SGCZ: variants seen among roughly 807,000 people sequenced by gnomAD.
SGCZ encodes zeta-sarcoglycan.
In SGCZ, 40 loss-of-function variants were observed where a neutral mutation model predicts 41.3. That is an observed-to-expected ratio of 0.97 (90% CI 0.75 to 1.26). The LOEUF is 1.26. SGCZ is among the 50% of genes most tolerant of loss of function. The pLI, the probability that SGCZ is intolerant of heterozygous loss-of-function variation, is 0.00. For missense variants in SGCZ, 552 were observed against 369.8 expected, an observed-to-expected ratio of 1.49 and a Z score of -4.04; for synonymous variants, 206 against 137.5, an observed-to-expected ratio of 1.50 and a Z score of -3.49.
chr8:15,025,297 T>A (rs186295345), intron 1 of SGCZ, among the ~76,000 whole-genome samples: 22 of 152,292 alleles, frequency 1.4e-4, no homozygotes, highest in African/African-American at 5.3e-4. Context: ...GTGCTGTATT[T>A]TTTTTCTAAT....
At chr8:14,192,554 T>G (rs1249704324) in intron 4 of SGCZ, among the ~76,000 whole-genome samples, 2 of 151,886 alleles carry the variant, frequency 1.3e-5, no homozygotes. Flanking sequence ...GATATTTGAG[T>G]TTTTATTCAA....
At position 14,925,756 on chromosome 8, in the gene SGCZ, A is replaced by G. The variant is rs958007733; in HGVS notation, c.39+311829T>C. Among the ~76,000 whole-genome samples the G allele has an allele frequency of 7.2e-5, 11 of 152,182 alleles. No homozygotes were observed. In the East Asian group the frequency reaches 1.9e-3, roughly 27 times the overall value. ...TCTGGCTTCACTTTTTCATTGCTGT[A>G]CCAGATGGACAGGAAAAGGACAGAC... On this transcript the variant is annotated intron_variant, in intron 1 of 7. Transcript: ENST00000382080.
At chr8:14,562,072 T>C (rs1804222559) in intron 1 of SGCZ, among the ~76,000 whole-genome samples, 1 of 152,158 alleles carries the variant, frequency 6.6e-6, no homozygotes, top group South Asian at 2.1e-4. Flanking sequence ...TGACTTCTAC[T>C]GATCTGGATG....
At chr8:15,125,181 T>C (rs901726699) in intron 1 of SGCZ, among the ~76,000 whole-genome samples, 15 of 152,294 alleles carry the variant, frequency 9.8e-5, no homozygotes, top group Non-Finnish European at 1.3e-4. Flanking sequence ...ACAAAGGAGA[T>C]GATCGAATTA....
intron 1 of SGCZ, among the ~76,000 whole-genome samples, chr8:15,189,649 C>T (rs1458467552): frequency 5.3e-5 from 8 of 151,850 alleles, no homozygotes; most frequent in Admixed American, 5.3e-4. Context: ...CTCACTGGAA[C>T]CTCTGCCTCC....
At chr8:15,084,524 G>A (rs1370067433) in intron 1 of SGCZ, among the ~76,000 whole-genome samples, 2 of 152,206 alleles carry the variant, frequency 1.3e-5, no homozygotes, top group Admixed American at 6.5e-5. Flanking sequence ...GCCGAGGCTG[G>A]CGGATAACCT....
At chr8:14,196,262 TA>T (rs1227951961) in intron 4 of SGCZ, among the ~76,000 whole-genome samples, 1 of 97,850 alleles carries the variant, frequency 1.0e-5, no homozygotes, top group Non-Finnish European at 2.5e-5. Context: ...TTAATTAGAG[TA>T]ATTTTTTTTT....
intron 3 of SGCZ, among the ~76,000 whole-genome samples, chr8:14,316,473 T>C (rs1801718418): frequency 6.6e-6 from 1 of 151,940 alleles, no homozygotes; most frequent in Non-Finnish European, 1.5e-5. Flanking sequence ...TAGGCCTGAC[T>C]CAACTGTAAT....
rs571981069 is a variant in SGCZ at position 14,309,600 on chromosome 8, G to A, written c.336+14503C>T. ...AAGGTTAGGACTTCATCCAAAGATAGTGACTGGTTATCAGTCCCACGCAGA... is the reference window on the plus strand; with the variant it reads ...AAGGTTAGGACTTCATCCAAAGATAATGACTGGTTATCAGTCCCACGCAGA... On this transcript the variant is annotated intron_variant, in intron 3 of 7. Coordinates refer to ENST00000382080, the MANE Select transcript of SGCZ (RefSeq NM_139167.4). 16 of 1,610,898 alleles carry A rather than the reference G, an allele frequency of 9.9e-6. No individual in the cohort carries two copies. The African/African-American group carries it at 2.0e-4, about 20-fold the overall frequency.
intron 2 of SGCZ, among the ~76,000 whole-genome samples, chr8:14,351,674 G>T (rs1803100629): frequency 6.6e-6 from 1 of 151,728 alleles, no homozygotes; most frequent in Admixed American, 6.6e-5. Context: ...ATAACACAAA[G>T]AATTTTAGAT....
intron 2 of SGCZ, among the ~76,000 whole-genome samples, chr8:14,451,270 C>A (rs990232042): frequency 6.6e-6 from 1 of 152,086 alleles, no homozygotes; most frequent in African/African-American, 2.4e-5. Context: ...TTCTGTCCTA[C>A]GTTCATTTTT....
chr8:15,149,775 A>G (rs1024544811), intron 1 of SGCZ, among the ~76,000 whole-genome samples: 1 of 152,030 alleles, frequency 6.6e-6, no homozygotes, highest in Admixed American at 6.6e-5. Flanking sequence ...AAAAATTTCA[A>G]ATGCATATTC....
intron 1 of SGCZ, among the ~76,000 whole-genome samples, chr8:15,179,105 A>G (rs1454654536): frequency 6.6e-6 from 1 of 152,198 alleles, no homozygotes; most frequent in Non-Finnish European, 1.5e-5. Flanking sequence ...ACCTTCAGGA[A>G]AAAAGAAATA....
chr8:14,613,757 G>A (rs1010687060), intron 1 of SGCZ, among the ~76,000 whole-genome samples: 3 of 152,094 alleles, frequency 2.0e-5, no homozygotes, highest in African/African-American at 4.8e-5. Flanking sequence ...GAGGGTTACA[G>A]GAAAGATGTG....
chr8:14,221,573 G>C (rs78662029), intron 4 of SGCZ, among the ~76,000 whole-genome samples: 3,654 of 152,260 alleles, frequency 0.024, 157 homozygotes, highest in African/African-American at 0.083. Context: ...TATATACATG[G>C]ATTGTTTGAA....
chr8:14,964,538 A>G (rs1425587892), intron 1 of SGCZ, among the ~76,000 whole-genome samples: 1 of 152,198 alleles, frequency 6.6e-6, no homozygotes, highest in African/African-American at 2.4e-5. Flanking sequence ...CAGGATCACC[A>G]CTTGCTGGAG....
At chr8:14,221,559 G>A (rs79453938) in intron 4 of SGCZ, among the ~76,000 whole-genome samples, 3,657 of 152,270 alleles carry the variant, frequency 0.024, 158 homozygotes, top group African/African-American at 0.083. Flanking sequence ...CAGGCATCCT[G>A]CTTTATATAC....
rs144519352 is a variant in SGCZ, at chr8:14,093,125, C to A, written c.745-2488G>T. On this transcript the variant is annotated intron_variant, in intron 7 of 7. Coordinates refer to ENST00000382080, the MANE Select transcript of SGCZ (RefSeq NM_139167.4). ...GTTTCTTGTTTCCACTGATATATAGCTTATGATTGTCTGAAGGGTATCCCT... is the reference window on the plus strand; with the variant it reads ...GTTTCTTGTTTCCACTGATATATAGATTATGATTGTCTGAAGGGTATCCCT... Among the ~76,000 whole-genome samples the A allele has an allele frequency of 3.5e-3, 536 of 152,130 alleles. 7 individuals are homozygous for A. The highest frequency in any genetic ancestry group is 0.012 in the African/African-American group (497 of 41,536).
intron 1 of SGCZ, among the ~76,000 whole-genome samples, chr8:14,867,415 A>C (rs1803971604): frequency 2.0e-5 from 3 of 152,072 alleles, no homozygotes; most frequent in Admixed American, 2.0e-4. Context: ...ATAAAGATAC[A>C]CATGCATGTA....
Sources: allele counts gnomAD v4.1 joint callset (sites outside exome capture counted in the v4.1 genomes callset), GRCh38; gene constraint gnomAD v4.1.1; transcripts MANE v1.5; gene names NCBI Gene and HGNC (gene_info 2026-07-23, HGNC 2026-07-21).